Variants in MCUB observed in about 807,000 individuals in gnomAD.
MCUB encodes the protein calcium uniporter regulatory subunit MCUb, mitochondrial.
In MCUB, 46 loss-of-function variants were observed where a neutral mutation model predicts 41.4. The observed-to-expected ratio is 1.11, with a 90% CI of 0.88 to 1.42. The LOEUF (loss-of-function observed/expected upper bound fraction) is 1.42, where lower values mean the gene tolerates loss of function less well. MCUB is among the 40% of genes most tolerant of loss of function. The pLI is 0.00. For missense variants in MCUB, 403 were observed against 404.9 expected (o/e 1.00, Z 0.04); for synonymous variants, 148 against 148.2 (o/e 1.00, Z 0.01).
Position 109,664,305 on chromosome 4 carries a change from CAGCTTCTACCTTGATGGAT to C in MCUB, c.364_382del (p.Ala122PhefsTer3), listed in dbSNP as rs752015079. ...TTTCTTTCAGATGGCAACATGATTT[CAGCTTCTACCTTGATGGAT>C]ATTTTGCTAATGAATGATTTTAAAC... is the stretch of plus-strand genomic sequence containing the variant. On this transcript the variant is annotated frameshift_variant, in exon 4 of 8. Coordinates refer to ENST00000394650, the MANE Select transcript of MCUB (RefSeq NM_017918.5). LOFTEE classifies it high-confidence loss of function. 4 of 1,552,462 alleles carry C rather than the reference CAGCTTCTACCTTGATGGAT, an allele frequency of 2.6e-6. No individual in the cohort carries two copies. The East Asian group carries it at 6.7e-5, about 26-fold the overall frequency.
intron 4 of MCUB, among the ~76,000 whole-genome samples, chr4:109,664,775 A>G (rs1158497532): frequency 6.6e-6 from 1 of 152,124 alleles, no homozygotes; most frequent in Non-Finnish European, 1.5e-5. Context: ...GGTATAAGTG[A>G]TCACCTACAG....
chr4:109,626,083 C>A (rs550201654), intron 1 of MCUB, among the ~76,000 whole-genome samples: 1 of 152,264 alleles, frequency 6.6e-6, no homozygotes, highest in South Asian at 2.1e-4. Context: ...TGAGGTAACT[C>A]CTCAAGTGAA....
chr4:109,630,376 C>T (rs1399582335), intron 1 of MCUB, among the ~76,000 whole-genome samples: 2 of 152,098 alleles, frequency 1.3e-5, no homozygotes, highest in Admixed American at 1.3e-4. Context: ...GAGAGAGGAT[C>T]ACTTGAGCCC....
chr4:109,561,239 G>A (rs1038429306), intron 1 of MCUB, among the ~76,000 whole-genome samples: 14 of 152,158 alleles, frequency 9.2e-5, no homozygotes, highest in African/African-American at 3.4e-4. Flanking sequence ...TGGGGAGGGA[G>A]CTGTTTCTGA....
intron 1 of MCUB, among the ~76,000 whole-genome samples, chr4:109,578,913 A>T (rs1727099637): frequency 6.6e-6 from 1 of 152,240 alleles, no homozygotes; most frequent in South Asian, 2.1e-4. Flanking sequence ...AACAAGTCAC[A>T]AGAAAAATCA....
intron 1 of MCUB, among the ~76,000 whole-genome samples, chr4:109,639,991 G>A (rs778872773): frequency 3.9e-5 from 6 of 152,212 alleles, no homozygotes; most frequent in Non-Finnish European, 7.3e-5. Flanking sequence ...GAGTAACAAG[G>A]CTGTTTATTT....
At chr4:109,612,265 T>TTC (rs1554017525) in intron 1 of MCUB, among the ~76,000 whole-genome samples, 4 of 141,350 alleles carry the variant, frequency 2.8e-5, no homozygotes, top group Non-Finnish European at 6.2e-5. Flanking sequence ...CTCCTTTTCT[T>TTC]TTTTTTTTTT....
At chr4:109,664,163 C>T in intron 3 of MCUB, 127 bp from the exon 4 acceptor site, 1 of 639,480 alleles carries the variant, frequency 1.6e-6, no homozygotes, top group Non-Finnish European at 2.8e-6. Context: ...TTGGGGACAC[C>T]CCCCACAAAA....
intron 1 of MCUB, among the ~76,000 whole-genome samples, chr4:109,616,490 T>G (rs927315071): frequency 1.3e-5 from 2 of 152,154 alleles, no homozygotes; most frequent in Non-Finnish European, 2.9e-5. Context: ...GAAGAAAACA[T>G]AGCTCTAAAT....
At position 109,594,980 on chromosome 4, in the gene MCUB, C is replaced by A. The variant is rs1305098512; in HGVS notation, c.99+34544C>A. On this transcript the variant is annotated intron_variant, in intron 1 of 7. Transcript: ENST00000394650. The stretch of plus-strand genomic sequence containing the variant: ...ACACCAGTTCCAAGAATTGCCAATC[C>A]CTTCCAATAGTGTTCTTTTTCAGGT... Among the ~76,000 whole-genome samples the A allele has an allele frequency of 2.6e-5, 4 of 151,794 alleles. No homozygotes were observed. The South Asian group carries it at 8.3e-4, about 32-fold the overall frequency.
rs117138042 is a variant in MCUB, at chr4:109,620,580, C to T, written c.100-38431C>T. On this transcript the variant is annotated intron_variant, in intron 1 of 7. Transcript: ENST00000394650. ...TCCGAAGCAAGCTAGGTGTTATAAT[C>T]TCATGAATGTATAAATTAGCATTCA... Among the ~76,000 whole-genome samples the T allele has an allele frequency of 5.5e-3, 831 of 151,140 alleles. 25 individuals are homozygous for T. In the East Asian group the frequency reaches 0.064, roughly 12 times the overall value.
rs201350750 is a variant in MCUB, at chr4:109,603,908, G to A, written c.99+43472G>A. Reference sequence around the variant, plus strand: ...GTGTACCCAACAGCTCATTGAGAACGGGCCATGATGACGATGGCGGTTTTG... The same window carrying A: ...GTGTACCCAACAGCTCATTGAGAACAGGCCATGATGACGATGGCGGTTTTG... On this transcript the variant is annotated intron_variant, in intron 1 of 7. Transcript: ENST00000394650. 5.9e-3 allele frequency among the ~76,000 whole-genome samples: 900 copies of A among 152,354 alleles called. 29 individuals are homozygous for A. The South Asian group carries it at 0.073, about 12-fold the overall frequency.
At chr4:109,632,955 G>T (rs1728507996) in intron 1 of MCUB, among the ~76,000 whole-genome samples, 1 of 152,110 alleles carries the variant, frequency 6.6e-6, no homozygotes, top group Admixed American at 6.5e-5. Flanking sequence ...CTTGATAGGT[G>T]TCAGGGTGGA....
At chr4:109,576,695 GT>G (rs994372015) in intron 1 of MCUB, among the ~76,000 whole-genome samples, 11 of 152,106 alleles carry the variant, frequency 7.2e-5, no homozygotes, top group African/African-American at 2.7e-4. Context: ...TTAGAGGGAA[GT>G]TTATACACAA....
rs546472350 is a variant in MCUB at position 109,581,113 on chromosome 4, G to A, written c.99+20677G>A. ...AAGAACAAAGCTGGAGGCATCATGCGACCTGACTTCAAACTATGCTACAAG... is the reference window on the plus strand; with the variant it reads ...AAGAACAAAGCTGGAGGCATCATGCAACCTGACTTCAAACTATGCTACAAG... On this transcript the variant is annotated intron_variant, in intron 1 of 7. Coordinates refer to ENST00000394650, the MANE Select transcript of MCUB (RefSeq NM_017918.5). 5.9e-5 allele frequency among the ~76,000 whole-genome samples: 9 copies of A among 152,202 alleles called. No individual in the cohort carries two copies. The East Asian group carries it at 1.3e-3, about 23-fold the overall frequency.
Position 109,642,251 on chromosome 4 carries a change from A to G in MCUB, c.100-16760A>G, listed in dbSNP as rs372353476. Among the ~76,000 whole-genome samples the G allele has an allele frequency of 3.6e-4, 55 of 152,318 alleles. No individual in the cohort carries two copies. The East Asian group carries it at 6.5e-3, about 18-fold the overall frequency. On this transcript the variant is annotated intron_variant, in intron 1 of 7. Coordinates refer to ENST00000394650, the MANE Select transcript of MCUB (RefSeq NM_017918.5). Reference sequence around the variant, plus strand: ...TTCAGCTTCTGTCTTCAATCTTTTTAAAGTAAATTACATGATTTAATGATA... The same window carrying G: ...TTCAGCTTCTGTCTTCAATCTTTTTGAAGTAAATTACATGATTTAATGATA...
chr4:109,596,708 T>A (rs1435251321), intron 1 of MCUB, among the ~76,000 whole-genome samples: 1 of 150,054 alleles, frequency 6.7e-6, no homozygotes, highest in African/African-American at 2.4e-5. Context: ...TGTCTTTATT[T>A]AGGTCTTCTT....
chr4:109,620,572 G>A (rs1252775728), intron 1 of MCUB, among the ~76,000 whole-genome samples: 1 of 150,966 alleles, frequency 6.6e-6, no homozygotes, highest in Non-Finnish European at 1.5e-5. Context: ...CAAGCTAGGT[G>A]TTATAATCTC....
At chr4:109,646,859 C>A (rs1484102042) in intron 1 of MCUB, among the ~76,000 whole-genome samples, 1 of 152,118 alleles carries the variant, frequency 6.6e-6, no homozygotes, top group Non-Finnish European at 1.5e-5. Context: ...AATCTTCTTA[C>A]CAACTATGAA....
Sources: gnomAD v4.1 joint callset for allele counts (sites outside exome capture counted in the v4.1 genomes callset) on GRCh38, gnomAD v4.1.1 for gene constraint, MANE v1.5 for transcripts, NCBI Gene and HGNC (gene_info 2026-07-23, HGNC 2026-07-21) for gene names.